Variants in GSE1 observed in about 807,000 individuals in gnomAD.
The protein encoded by GSE1 is Gse1 coiled-coil protein, also known as genetic suppressor element 1.
GSE1 carries 32 observed loss-of-function variants against 112.6 expected under a neutral mutation model. The observed-to-expected ratio is 0.28, with a 90% CI of 0.21 to 0.38. GSE1 has a LOEUF of 0.38. Ranked by LOEUF, GSE1 falls within the 10% of genes least tolerant of loss-of-function variation. GSE1 has a pLI of 1.00. For missense variants in GSE1, 2,348 were observed against 1,699.2 expected (o/e 1.38, Z -6.71); for synonymous variants, 1,115 against 735.6 (o/e 1.52, Z -8.35).
intron 2 of GSE1, among the ~76,000 whole-genome samples, chr16:85,361,982 C>T (rs1167016373): frequency 6.6e-6 from 1 of 152,242 alleles, no homozygotes; most frequent in Non-Finnish European, 1.5e-5. Flanking sequence ...CAGGCTCTCA[C>T]CATGTGGGCA....
chr16:85,383,919 C>T (rs897885653), intron 2 of GSE1, among the ~76,000 whole-genome samples: 1 of 152,186 alleles, frequency 6.6e-6, no homozygotes, highest in South Asian at 2.1e-4. Flanking sequence ...GTGTCCTTGG[C>T]CCAGGAGCTG....
chr16:85,608,037 T>C (rs2047787547), upstream of GSE1, among the ~76,000 whole-genome samples: 1 of 152,168 alleles, frequency 6.6e-6, no homozygotes, highest in Admixed American at 6.5e-5. Context: ...GTGATTGCTA[T>C]CTAAGAGTGG....
intron 1 of GSE1, among the ~76,000 whole-genome samples, chr16:85,224,320 A>AAAAAAAAAAAAAAAG (rs2075445231): frequency 6.7e-6 from 1 of 149,846 alleles, no homozygotes. Flanking sequence ...AAAAAAAAAA[A>AAAAAAAAAAAAAAAG]AAAAAAAAAA....
intron 1 of GSE1, among the ~76,000 whole-genome samples, chr16:85,251,527 C>A (rs1427260186): frequency 1.2e-4 from 18 of 152,208 alleles, no homozygotes; most frequent in Admixed American, 1.2e-3. Context: ...GGCTCGAACC[C>A]TGCTCCGCCT....
intron 1 of GSE1, among the ~76,000 whole-genome samples, chr16:85,577,419 G>A (rs1598255245): frequency 6.6e-6 from 1 of 152,200 alleles, no homozygotes; most frequent in South Asian, 2.1e-4. Flanking sequence ...CAGGTCTGCT[G>A]TGACAAGGAC....
At chr16:85,584,316 G>A (rs2046589864) in intron 1 of GSE1, among the ~76,000 whole-genome samples, 1 of 152,126 alleles carries the variant, frequency 6.6e-6, no homozygotes, top group African/African-American at 2.4e-5. Context: ...GCATATGGTA[G>A]GCAGGCTGGG....
At chr16:85,357,473 G>A (rs143928164) in exon 2 of GSE1, 6 of 1,226,240 alleles carry the variant, frequency 4.9e-6, no homozygotes, top group Non-Finnish European at 6.3e-6. Flanking sequence ...CCTGTTTGTG[G>A]ATCTCTGGAA....
chr16:85,516,170 C>T (rs1162455612), intron 2 of GSE1, among the ~76,000 whole-genome samples: 2 of 152,028 alleles, frequency 1.3e-5, no homozygotes, highest in Non-Finnish European at 2.9e-5. Flanking sequence ...CTCACAGGGA[C>T]CAGACCCCTG....
intron 1 of GSE1, among the ~76,000 whole-genome samples, chr16:85,570,120 G>C (rs1174127891): frequency 5.3e-5 from 8 of 152,226 alleles, no homozygotes; most frequent in Non-Finnish European, 1.5e-5. Context: ...TGAGTGGCCA[G>C]ATGGAATGAG....
chr16:85,435,197 C>T (rs1380002121), intron 2 of GSE1, among the ~76,000 whole-genome samples: 2 of 152,252 alleles, frequency 1.3e-5, no homozygotes, highest in East Asian at 1.9e-4. Flanking sequence ...TGCCCAGAGC[C>T]TCGGCCCTGC....
intron 1 of GSE1, among the ~76,000 whole-genome samples, chr16:85,295,807 G>A (rs1054341512): frequency 7.0e-6 from 1 of 143,140 alleles, no homozygotes; most frequent in African/African-American, 2.6e-5. Context: ...GTCTCTCTGT[G>A]TTGCCCAGGC....
chr16:85,440,714 C>T (rs908210494), intron 2 of GSE1, among the ~76,000 whole-genome samples: 3 of 152,212 alleles, frequency 2.0e-5, no homozygotes, highest in Admixed American at 2.0e-4. Flanking sequence ...TGCTGAGGCC[C>T]CAGGAACCAT....
chr16:85,574,739 G>C (rs1489327568), intron 1 of GSE1, among the ~76,000 whole-genome samples: 1 of 152,228 alleles, frequency 6.6e-6, no homozygotes, highest in Non-Finnish European at 1.5e-5. Flanking sequence ...TGGTGGCTCT[G>C]CTGAGATTTG....
intron 2 of GSE1, among the ~76,000 whole-genome samples, chr16:85,474,228 G>T (rs2050381643): frequency 1.3e-5 from 2 of 152,036 alleles, no homozygotes; most frequent in Admixed American, 6.5e-5. Flanking sequence ...AGAGGTTTGG[G>T]CTCTCCATGC....
chr16:85,477,276 C>G (rs1042745691), intron 2 of GSE1, among the ~76,000 whole-genome samples: 5 of 152,182 alleles, frequency 3.3e-5, no homozygotes, highest in Admixed American at 6.5e-5. Flanking sequence ...ACAGCCTGTC[C>G]CGGGTGCCCA....
chr16:85,599,707 C>G lies in GSE1; in HGVS notation c.37+43344C>G, dbSNP rs147330409. Reference sequence around the variant, plus strand: ...AGACATTTATCACAGGCCCTACCCTCTCTTCCTTTCTCTTTCTCCTTCTCT... The same window carrying G: ...AGACATTTATCACAGGCCCTACCCTGTCTTCCTTTCTCTTTCTCCTTCTCT... On this transcript the variant is annotated intron_variant, in intron 1 of 2. Transcript: ENST00000635906. Among the ~76,000 whole-genome samples the G allele has an allele frequency of 2.8e-3, 433 of 152,354 alleles. 6 individuals are homozygous for G. Among genetic ancestry groups the G allele is most frequent in the African/African-American group, 0.01 (420 of 41,580 alleles).
At chr16:85,192,302 G>A (rs1331075161) in intron 1 of GSE1, among the ~76,000 whole-genome samples, 2 of 152,246 alleles carry the variant, frequency 1.3e-5, no homozygotes, top group Non-Finnish European at 2.9e-5. Flanking sequence ...GTGCGTTCTT[G>A]GGTCTGTTAC....
At position 85,605,622 on chromosome 16, in the gene GSE1, C is replaced by T. The variant is rs181338241; in HGVS notation, c.38-42930C>T. On this transcript the variant is annotated intron_variant, in intron 1 of 2. Transcript: ENST00000635906. ...GCAGTGGGTGGAGATTTGCCCAGTCCGGCAGCTTGACTGCCATGTCCATCC... is the reference window on the plus strand; with the variant it reads ...GCAGTGGGTGGAGATTTGCCCAGTCTGGCAGCTTGACTGCCATGTCCATCC... Among the ~76,000 whole-genome samples, 213 of 151,976 alleles carry T rather than the reference C, an allele frequency of 1.4e-3. 2 individuals are homozygous for T. Among genetic ancestry groups the T allele is most frequent in the African/African-American group, 4.9e-3 (204 of 41,308 alleles).
chr16:85,641,127 G>A (rs753276087), intron 2 of GSE1, among the ~76,000 whole-genome samples: 6 of 152,162 alleles, frequency 3.9e-5, no homozygotes, highest in Admixed American at 6.5e-5. Context: ...ATTTTTTTCC[G>A]GTTTTCCCTG....
Sources: allele counts gnomAD v4.1 joint callset (sites outside exome capture counted in the v4.1 genomes callset), GRCh38; gene constraint gnomAD v4.1.1; transcripts MANE v1.5; gene names NCBI Gene and HGNC (gene_info 2026-07-23, HGNC 2026-07-21).